The following OR5V1 variants were observed in gnomAD, a reference collection of about 807,000 sequenced individuals.
OR5V1 encodes olfactory receptor 5V1.
For missense variants in OR5V1, 365 were observed against 371.5 expected, an observed-to-expected ratio of 0.98 and a Z score of 0.14; for synonymous variants, 134 against 143.2, an observed-to-expected ratio of 0.94 and a Z score of 0.46.
intron 1 of OR5V1, among the ~76,000 whole-genome samples, chr6:29,361,220 C>T (rs1200982683): frequency 6.6e-6 from 1 of 150,700 alleles, no homozygotes; most frequent in East Asian, 1.9e-4. Flanking sequence ...GGTGTGAAGA[C>T]AATATTAGAG....
intron 1 of OR5V1, among the ~76,000 whole-genome samples, chr6:29,365,157 A>G (rs1321588366): frequency 1.3e-5 from 2 of 152,294 alleles, no homozygotes; most frequent in East Asian, 3.9e-4. Context: ...CTCAAGATGG[A>G]TTAAAGACTT....
intron 1 of OR5V1, among the ~76,000 whole-genome samples, chr6:29,360,969 T>C (rs1778539632): frequency 6.6e-6 from 1 of 152,048 alleles, no homozygotes; most frequent in South Asian, 2.1e-4. Context: ...CTTCAGAAGG[T>C]GGGAAATAAC....
intron 1 of OR5V1, 137 bp from the exon 2 acceptor site, chr6:29,356,414 T>C (rs1338790614): frequency 2.0e-6 from 1 of 504,286 alleles, no homozygotes; most frequent in Non-Finnish European, 3.4e-6. Flanking sequence ...ATGTTTCACC[T>C]GCAGATCAAA....
rs897671169 is a variant in OR5V1 at position 29,365,114 on chromosome 6, G to T, written c.-83+3518C>A. On this transcript the variant is annotated intron_variant, in intron 1 of 1. Coordinates refer to ENST00000641768, the MANE Select transcript of OR5V1 (RefSeq NM_030876.6). ...TAGCCACATGCAGAAAACAGAAACT[G>T]GACCCCTCCCTTACACCTTATACAA... Among the ~76,000 whole-genome samples the T allele has an allele frequency of 8.5e-5, 13 of 152,070 alleles. No homozygotes were observed. The South Asian group carries it at 2.5e-3, about 29-fold the overall frequency.
In OR5V1 at chr6:29,360,310, T is replaced by C. The variant is rs542660845; in HGVS notation, c.-82-4033A>G. On this transcript the variant is annotated intron_variant, in intron 1 of 1. Coordinates refer to ENST00000641768, the MANE Select transcript of OR5V1 (RefSeq NM_030876.6). Reference sequence around the variant, plus strand: ...TCCCATCTTCCTGGGACAGAGCACCTGGGGGAAGGGGCAGCTGTGGGCGCA... The same window carrying C: ...TCCCATCTTCCTGGGACAGAGCACCCGGGGGAAGGGGCAGCTGTGGGCGCA... Among the ~76,000 whole-genome samples, 11 of 152,282 alleles carry C rather than the reference T, an allele frequency of 7.2e-5. No individual in the cohort carries two copies. In the South Asian group the frequency reaches 1.9e-3, roughly 26 times the overall value.
In OR5V1 at chr6:29,356,251, AT is replaced by A; in HGVS notation, c.-57del. ...GCAAAGAGAAGACCAGATTATAAAA[AT>A]GAATCATATGCTGCAATAGCATGAC... On this transcript the variant is annotated 5_prime_UTR_variant, in exon 2 of 2. The change abolishes the stop of an existing upstream ORF in the 5' untranslated region. Coordinates refer to ENST00000641768, the MANE Select transcript of OR5V1 (RefSeq NM_030876.6). 6.6e-7 allele frequency: 1 copy of A among 1,515,828 alleles called. No homozygotes were observed. Among genetic ancestry groups the A allele is most frequent in the South Asian group, 1.4e-5 (1 of 73,562 alleles). 93.9% of individuals were successfully genotyped at this position (1,515,828 alleles called of 1,614,324 possible).
chr6:29,355,580 T>C lies in OR5V1; in HGVS notation c.616A>G (p.Ile206Val). ...ELALLSTGVF[I>V]GWTPFLCIVL... ...ATACAAAGGAAAGGAGTCCAACCAA[T>C]GAAGACCCCAGTGGATAGCAGTGCC... The change falls in exon 2 of 2, where the codon ATT (isoleucine) becomes GTT (valine). Residue 206 changes from isoleucine to valine, a missense_variant. Transcript: ENST00000641768. 1.9e-6 allele frequency: 3 copies of C among 1,613,936 alleles called. No homozygotes were observed. Among genetic ancestry groups the C allele is most frequent in the Non-Finnish European group, 2.5e-6 (3 of 1,179,918 alleles).
intron 1 of OR5V1, among the ~76,000 whole-genome samples, chr6:29,358,323 G>T (rs1778411454): frequency 6.6e-6 from 1 of 151,938 alleles, no homozygotes; most frequent in Non-Finnish European, 1.5e-5. Context: ...GTATTTTAAG[G>T]CAAAAATGTG....
At chr6:29,367,756 C>A (rs990190393) in intron 1 of OR5V1, among the ~76,000 whole-genome samples, 1 of 152,152 alleles carries the variant, frequency 6.6e-6, no homozygotes, top group Admixed American at 6.5e-5. Context: ...ATTGTTGCCT[C>A]TCATAGGCAT....
intron 1 of OR5V1, among the ~76,000 whole-genome samples, 196 bp from the exon 2 acceptor site, chr6:29,356,473 A>G (rs1778315433): frequency 6.6e-6 from 1 of 152,162 alleles, no homozygotes; most frequent in Non-Finnish European, 1.5e-5. Flanking sequence ...ATACAAATGG[A>G]CACCATATGT....
intron 1 of OR5V1, among the ~76,000 whole-genome samples, chr6:29,366,484 T>C (rs1778862477): frequency 6.6e-6 from 1 of 152,122 alleles, no homozygotes; most frequent in South Asian, 2.1e-4. Context: ...TACGAATTTG[T>C]AACACATCAG....
chr6:29,363,118 T>C (rs1440052414), intron 1 of OR5V1, among the ~76,000 whole-genome samples: 2 of 152,136 alleles, frequency 1.3e-5, no homozygotes, highest in African/African-American at 4.8e-5. Context: ...AAAGGAGTTA[T>C]CACCACTGAT....
At chr6:29,366,325 TA>T (rs34270802) in intron 1 of OR5V1, among the ~76,000 whole-genome samples, 3,207 of 125,634 alleles carry the variant, frequency 0.026, 45 homozygotes, top group African/African-American at 0.039. Flanking sequence ...TAAAGTATAT[TA>T]AAAAAAAAAA....
chr6:29,355,185 T>C lies in OR5V1; in HGVS notation c.*45A>G, dbSNP rs1372027796. On this transcript the variant is annotated 3_prime_UTR_variant, in exon 2 of 2. Transcript: ENST00000641768. Reference sequence around the variant, plus strand: ...ACTTTCAATAAAAACAGCTGACTGGTGAAAAAGTTAATTTTGTAGTATAAG... The same window carrying C: ...ACTTTCAATAAAAACAGCTGACTGGCGAAAAAGTTAATTTTGTAGTATAAG... 3 of 1,521,246 alleles carry C rather than the reference T, an allele frequency of 2.0e-6. No individual in the cohort carries two copies. Among genetic ancestry groups the C allele is most frequent in the Non-Finnish European group, 2.6e-6 (3 of 1,138,886 alleles). The allele number at this position is 1,521,246 out of a possible 1,614,324, so 94.2% of individuals were successfully genotyped here. A position where few individuals can be genotyped will look rare whatever the true frequency, so the allele number is the denominator to read the frequency against.
intron 1 of OR5V1, among the ~76,000 whole-genome samples, chr6:29,364,095 A>T (rs910207435): frequency 6.6e-6 from 1 of 152,174 alleles, no homozygotes; most frequent in African/African-American, 2.4e-5. Context: ...ACTTCAGCAA[A>T]GTCTCAGGAT....
chr6:29,355,301 CT>C lies in OR5V1; in HGVS notation c.894del (p.Glu299LysfsTer6), dbSNP rs1778201428. On this transcript the variant is annotated frameshift_variant, in exon 2 of 2. Coordinates refer to ENST00000641768, the MANE Select transcript of OR5V1 (RefSeq NM_030876.6). LOFTEE classifies it low-confidence loss of function (END_TRUNC). ...TTGCTCCCTATAGTTTTGACAGCTT[CT>C]TTGATGTCCTTATTCCTCAATGTGT... Reference protein sequence around the residue: ...IIYTLRNKDIKEAVKTIGSKW... With the variant: ...IIYTLRNKDIXEAVKTIGSKW... 1.2e-6 allele frequency: 2 copies of C among 1,613,452 alleles called. No homozygotes were observed. The highest frequency in any genetic ancestry group is 2.2e-5 in the East Asian group (1 of 44,876).
rs918100018 is a variant in OR5V1 at position 29,354,615 on chromosome 6, G to A, written c.*615C>T. ...CTCAGGAAATTCTGCCTTTTGAATAGAATAAAGAATGCATGTCAAATGGGA... is the reference window on the plus strand; with the variant it reads ...CTCAGGAAATTCTGCCTTTTGAATAAAATAAAGAATGCATGTCAAATGGGA... On this transcript the variant is annotated 3_prime_UTR_variant, in exon 2 of 2. Transcript: ENST00000641768. 6.6e-6 allele frequency: 1 copy of A among 152,116 alleles called. No individual in the cohort carries two copies. The highest frequency in any genetic ancestry group is 1.5e-5 in the Non-Finnish European group (1 of 67,988). The allele number at this position is 152,116 out of a possible 1,614,324, so 9.4% of individuals were successfully genotyped here. A position where few individuals can be genotyped will look rare whatever the true frequency, so the allele number is the denominator to read the frequency against.
chr6:29,354,535 TA>T lies in OR5V1; in HGVS notation c.*694del, dbSNP rs1221244383. On this transcript the variant is annotated 3_prime_UTR_variant, in exon 2 of 2. Coordinates refer to ENST00000641768, the MANE Select transcript of OR5V1 (RefSeq NM_030876.6). ...TTTAGCGAAAAAAGTTTCCCAAATT[TA>T]AGATACTCTATAAAATAGTAATATG... 4 of 152,124 alleles carry T rather than the reference TA, an allele frequency of 2.6e-5. No homozygotes were observed. Among genetic ancestry groups the T allele is most frequent in the African/African-American group, 9.7e-5 (4 of 41,446 alleles). The allele number at this position is 152,124 out of a possible 1,614,324, so 9.4% of individuals were successfully genotyped here.
At chr6:29,358,079 A>C (rs779655134) in intron 1 of OR5V1, among the ~76,000 whole-genome samples, 4 of 152,252 alleles carry the variant, frequency 2.6e-5, no homozygotes, top group Non-Finnish European at 2.9e-5. Context: ...GGATATTTTT[A>C]ATGAAGGGAG....
Sources: allele counts gnomAD v4.1 joint callset (sites outside exome capture counted in the v4.1 genomes callset), GRCh38; gene constraint gnomAD v4.1.1; transcripts MANE v1.5; gene names NCBI Gene and HGNC (gene_info 2026-07-23, HGNC 2026-07-21).